CRISPLD1: variants seen among roughly 807,000 people sequenced by gnomAD.
CRISPLD1 encodes the protein cysteine rich secretory protein LCCL domain containing 1, also known as cysteine-rich secretory protein LCCL domain-containing 1.
In CRISPLD1, 60 loss-of-function variants were observed where a neutral mutation model predicts 77.5. The ratio of observed to expected loss-of-function variants is 0.77; its 90% CI spans 0.63 to 0.96. The LOEUF (loss-of-function observed/expected upper bound fraction) is 0.96, where lower values mean the gene tolerates loss of function less well. Among genes scored for constraint, CRISPLD1 ranks in the 40% least tolerant of loss-of-function variants. The pLI is 0.00. For synonymous variants in CRISPLD1, 195 were observed against 200.1 expected, an observed-to-expected ratio of 0.97 and a Z score of 0.22; for missense variants, 623 against 615.8, an observed-to-expected ratio of 1.01 and a Z score of -0.12.
At chr8:74,987,172 G>C (rs901480508) in intron 2 of CRISPLD1, among the ~76,000 whole-genome samples, 4 of 152,110 alleles carry the variant, frequency 2.6e-5, no homozygotes, top group African/African-American at 9.7e-5. Context: ...TTTTCATGAA[G>C]CATGGAAGTT....
chr8:74,996,671 T>G (rs1291438439), intron 2 of CRISPLD1, among the ~76,000 whole-genome samples: 2 of 151,496 alleles, frequency 1.3e-5, no homozygotes, highest in African/African-American at 4.9e-5. Flanking sequence ...AGGGTAAGTA[T>G]TAGAAAATAA....
intron 2 of CRISPLD1, among the ~76,000 whole-genome samples, chr8:74,995,510 T>C (rs1283926374): frequency 6.6e-6 from 1 of 152,196 alleles, no homozygotes; most frequent in Admixed American, 6.5e-5. Context: ...TCAGGGTCTC[T>C]GTCCCCTAGG....
At chr8:75,022,029 A>G (rs925907757) in intron 12 of CRISPLD1, among the ~76,000 whole-genome samples, 3 of 152,160 alleles carry the variant, frequency 2.0e-5, no homozygotes, top group Non-Finnish European at 2.9e-5. Context: ...AACTATATCA[A>G]TATTATTACA....
At chr8:75,005,233 C>T (rs905978250) in intron 2 of CRISPLD1, among the ~76,000 whole-genome samples, 2 of 152,048 alleles carry the variant, frequency 1.3e-5, no homozygotes, top group African/African-American at 4.8e-5. Flanking sequence ...TGGGATACTA[C>T]AAGCAATACA....
intron 2 of CRISPLD1, among the ~76,000 whole-genome samples, chr8:75,000,683 C>T (rs2128782491): frequency 6.6e-6 from 1 of 152,170 alleles, no homozygotes; most frequent in Non-Finnish European, 1.5e-5. Flanking sequence ...ACTTCCATAG[C>T]CTCATTTACA....
chr8:75,030,202 T>G (rs1813309443), intron 14 of CRISPLD1, among the ~76,000 whole-genome samples: 2 of 152,176 alleles, frequency 1.3e-5, no homozygotes, highest in Admixed American at 1.3e-4. Flanking sequence ...AGATATTTCC[T>G]GGATTCTTCA....
chr8:75,016,943 TA>T lies in CRISPLD1; in HGVS notation c.929+4del. The T allele has an allele frequency of 6.5e-7, 1 of 1,536,746 alleles. No individual in the cohort carries two copies. Among genetic ancestry groups the T allele is most frequent in the Non-Finnish European group, 8.8e-7 (1 of 1,134,198 alleles). On this transcript the variant is annotated splice_donor_region_variant and intron_variant, in intron 8 of 14. Coordinates refer to ENST00000262207, the MANE Select transcript of CRISPLD1 (RefSeq NM_031461.6). Reference sequence around the variant, plus strand: ...GTGCAAAGGAACAACCTGCAATAGGTAATATTTGTTATTATTTTGAAAATTA... The same window carrying T: ...GTGCAAAGGAACAACCTGCAATAGGTATATTTGTTATTATTTTGAAAATTA...
intron 14 of CRISPLD1, among the ~76,000 whole-genome samples, chr8:75,031,092 A>G (rs757969916): frequency 6.6e-6 from 1 of 152,026 alleles, no homozygotes; most frequent in Non-Finnish European, 1.5e-5. Flanking sequence ...TTCATTTCCT[A>G]AGGCACTCAG....
At chr8:74,990,704 T>C (rs1812559132) in intron 2 of CRISPLD1, among the ~76,000 whole-genome samples, 1 of 148,692 alleles carries the variant, frequency 6.7e-6, no homozygotes, top group Admixed American at 6.8e-5. Flanking sequence ...TCCTCCACCC[T>C]CACCCGCCAG....
intron 2 of CRISPLD1, among the ~76,000 whole-genome samples, chr8:74,989,645 C>T (rs1026499610): frequency 6.6e-6 from 1 of 150,862 alleles, no homozygotes; most frequent in Non-Finnish European, 1.5e-5. Flanking sequence ...ATTCCAGATA[C>T]TAGTCCTTTG....
At chr8:74,999,541 T>C (rs919573366) in intron 2 of CRISPLD1, among the ~76,000 whole-genome samples, 33 of 152,150 alleles carry the variant, frequency 2.2e-4, no homozygotes, top group Non-Finnish European at 4.1e-4. Flanking sequence ...GGAACCCCAA[T>C]ATTCTGCATT....
At chr8:75,012,812 A>G (rs957472873) in intron 3 of CRISPLD1, 78 bp from the exon 4 acceptor site, 75 of 1,478,708 alleles carry the variant, frequency 5.1e-5, no homozygotes, top group Middle Eastern at 1.8e-4. Flanking sequence ...ACCAAATTAT[A>G]CCAATGTATT....
chr8:75,017,476 C>A (rs1813055458), intron 10 of CRISPLD1, 26 bp downstream of exon 10: 3 of 1,559,674 alleles, frequency 1.9e-6, no homozygotes, highest in Non-Finnish European at 2.6e-6. Context: ...ATCTTTTGGA[C>A]CAGATAATTT....
chr8:74,988,076 GT>G (rs1259835934), intron 2 of CRISPLD1, among the ~76,000 whole-genome samples: 1 of 152,126 alleles, frequency 6.6e-6, no homozygotes, highest in Non-Finnish European at 1.5e-5. Flanking sequence ...CTGGAACTGT[GT>G]CTTGGCCATT....
intron 2 of CRISPLD1, among the ~76,000 whole-genome samples, chr8:74,989,643 T>C (rs1447020871): frequency 6.6e-6 from 1 of 152,156 alleles, no homozygotes; most frequent in African/African-American, 2.4e-5. Context: ...AGATTCCAGA[T>C]ACTAGTCCTT....
intron 1 of CRISPLD1, among the ~76,000 whole-genome samples, chr8:74,985,232 T>A (rs1563604578): frequency 2.0e-5 from 3 of 152,104 alleles, no homozygotes; most frequent in African/African-American, 7.2e-5. Flanking sequence ...GCTGCTGGCT[T>A]CTTCGGGTGC....
intron 10 of CRISPLD1, among the ~76,000 whole-genome samples, chr8:75,018,115 C>T (rs567083728): frequency 6.6e-6 from 1 of 152,198 alleles, no homozygotes; most frequent in South Asian, 2.1e-4. Context: ...GAAGTTCATA[C>T]AGAACTCCTT....
intron 2 of CRISPLD1, among the ~76,000 whole-genome samples, chr8:74,989,573 A>C (rs535807627): frequency 1.3e-5 from 2 of 151,234 alleles, no homozygotes; most frequent in Non-Finnish European, 2.9e-5. Flanking sequence ...ATGTCTGTAC[A>C]TGTCCTTTGC....
At chr8:75,031,728 G>A (rs1179658409) in intron 14 of CRISPLD1, among the ~76,000 whole-genome samples, 1 of 151,932 alleles carries the variant, frequency 6.6e-6, no homozygotes, top group Non-Finnish European at 1.5e-5. Context: ...TTTAAATTTT[G>A]TCAGACTTGG....
Sources: allele counts gnomAD v4.1 joint callset (sites outside exome capture counted in the v4.1 genomes callset), GRCh38; gene constraint gnomAD v4.1.1; transcripts MANE v1.5; gene names NCBI Gene and HGNC (gene_info 2026-07-23, HGNC 2026-07-21).